The following RBM25 variants were observed in gnomAD, a reference collection of about 807,000 sequenced individuals.
The protein encoded by RBM25 is RNA-binding protein 25.
In RBM25, 19 loss-of-function variants were observed where a neutral mutation model predicts 120.7. That is an observed-to-expected ratio of 0.16 (90% confidence interval 0.11 to 0.23). The LOEUF (loss-of-function observed/expected upper bound fraction) is 0.23. RBM25 is among the 10% of genes least tolerant of loss of function. RBM25 has a pLI of 1.00. For missense variants in RBM25, 605 were observed against 1,041.5 expected, an observed-to-expected ratio of 0.58 and a Z score of 5.77; for synonymous variants, 390 against 326.7, an observed-to-expected ratio of 1.19 and a Z score of -2.09.
rs1477945637 is a variant in RBM25, at chr14:73,058,542, A to G, written c.-179A>G. On this transcript the variant is annotated 5_prime_UTR_variant, in exon 1 of 19. Transcript: ENST00000261973. ...CACGCCGGGCAAGAGGAAGACCTCC[A>G]TCAGCTCGCCGCGCAGCGCGGCTGT... 2.0e-5 allele frequency: 3 copies of G among 152,286 alleles called. No homozygotes were observed. Among genetic ancestry groups the G allele is most frequent in the South Asian group, 2.1e-4 (1 of 4,824 alleles). The allele number at this position is 152,286 out of a possible 1,614,324, so 9.4% of individuals were successfully genotyped here. A position where few individuals can be genotyped will look rare whatever the true frequency, so the allele number is the denominator to read the frequency against.
intron 18 of RBM25, 108 bp downstream of exon 18, chr14:73,114,441 T>A: frequency 1.4e-6 from 1 of 730,792 alleles, no homozygotes; most frequent in Non-Finnish European, 2.1e-6. Context: ...AGGGTAGTCT[T>A]AAATTCCTAG....
At chr14:73,116,363 A>G (rs1213386137) in intron 18 of RBM25, among the ~76,000 whole-genome samples, 8 of 152,208 alleles carry the variant, frequency 5.3e-5, no homozygotes, top group Admixed American at 2.6e-4. Context: ...TGGAACTGCC[A>G]CCAGAGATGT....
At chr14:73,098,627 C>T (rs1021407572) in intron 7 of RBM25, among the ~76,000 whole-genome samples, 4 of 151,938 alleles carry the variant, frequency 2.6e-5, no homozygotes, top group African/African-American at 9.7e-5. Context: ...GGTCATAGAA[C>T]TTTTCTTTTT....
chr14:73,066,260 T>C lies in RBM25; in HGVS notation c.-15-5367T>C, dbSNP rs140042793. On this transcript the variant is annotated intron_variant, in intron 1 of 18. Coordinates refer to ENST00000261973, the MANE Select transcript of RBM25 (RefSeq NM_021239.3). ...TCAACACATTTACAGTCTTGCAATC[T>C]TGTGTTTTTCATTGTTAATATGTAC... 1.6e-3 allele frequency among the ~76,000 whole-genome samples: 243 copies of C among 152,308 alleles called. 2 individuals are homozygous for C. Among genetic ancestry groups the C allele is most frequent in the African/African-American group, 5.4e-3 (223 of 41,560 alleles).
chr14:73,085,698 C>CA (rs1462449022), intron 5 of RBM25, among the ~76,000 whole-genome samples: 2 of 151,646 alleles, frequency 1.3e-5, no homozygotes, highest in African/African-American at 4.8e-5. Flanking sequence ...CCGCCCACCT[C>CA]AGTCTCCCAA....
chr14:73,108,671 C>T (rs1321667414), intron 13 of RBM25, among the ~76,000 whole-genome samples: 2 of 152,098 alleles, frequency 1.3e-5, no homozygotes, highest in African/African-American at 4.8e-5. Flanking sequence ...TGACATGATA[C>T]AATCATAGTG....
At chr14:73,070,448 A>G (rs1895257716) in intron 1 of RBM25, among the ~76,000 whole-genome samples, 1 of 152,194 alleles carries the variant, frequency 6.6e-6, no homozygotes, top group Admixed American at 6.5e-5. Context: ...AGTTTAAAAA[A>G]AAAAACTATG....
At chr14:73,088,389 G>A (rs2140441174) in intron 6 of RBM25, 1 of 646,648 alleles carries the variant, frequency 1.5e-6, no homozygotes, top group Middle Eastern at 2.5e-4. Context: ...AAAGTAGTAA[G>A]GGAGGCTGGA....
At chr14:73,100,931 G>A (rs1006824784) in intron 9 of RBM25, 2 of 152,182 alleles carry the variant, frequency 1.3e-5, no homozygotes, top group Admixed American at 6.5e-5. Flanking sequence ...TCAGGACCGA[G>A]TAAGCTTAAA....
At chr14:73,108,428 C>A (rs1250881684) in intron 13 of RBM25, among the ~76,000 whole-genome samples, 2 of 152,210 alleles carry the variant, frequency 1.3e-5, no homozygotes, top group African/African-American at 4.8e-5. Context: ...GGTCTTCTAG[C>A]AATTTGACCT....
chr14:73,105,428 C>T (rs1194474290), intron 10 of RBM25, among the ~76,000 whole-genome samples: 2 of 152,210 alleles, frequency 1.3e-5, no homozygotes, highest in African/African-American at 4.8e-5. Context: ...CATGTGCCAG[C>T]ACTTACTCCT....
intron 1 of RBM25, among the ~76,000 whole-genome samples, chr14:73,068,887 A>G (rs1228452798): frequency 6.6e-6 from 1 of 151,774 alleles, no homozygotes; most frequent in Non-Finnish European, 1.5e-5. Flanking sequence ...TTACTGCATT[A>G]TAAAGGTGGA....
chr14:73,102,966 A>G, intron 9 of RBM25: 1 of 784,762 alleles, frequency 1.3e-6, no homozygotes, highest in Non-Finnish European at 1.9e-6. Context: ...ATCTCCCAGC[A>G]TCCAAGATTG....
chr14:73,118,900 C>G (rs574563690), intron 18 of RBM25, among the ~76,000 whole-genome samples: 1 of 152,174 alleles, frequency 6.6e-6, no homozygotes, highest in South Asian at 2.1e-4. Context: ...TCCCGAGTAG[C>G]TGGGATTACA....
In RBM25 at chr14:73,123,456, A is replaced by T. The variant is rs1327906728; in HGVS notation, c.*3651A>T. The T allele has an allele frequency of 6.6e-6, 1 of 152,178 alleles. No individual in the cohort carries two copies. The highest frequency in any genetic ancestry group is 1.5e-5 in the Non-Finnish European group (1 of 68,030). 9.4% of individuals were successfully genotyped at this position (152,178 alleles called of 1,614,324 possible). ...CTGGGTTGTATTTCAGTCTTCTGTT[A>T]AGTATGAAATTGAGAAATAGTTTTG... On this transcript the variant is annotated 3_prime_UTR_variant, in exon 19 of 19. Transcript: ENST00000261973.
rs11390922 is a variant in RBM25 at position 73,097,196 on chromosome 14, CTTTTTTTTTTT to C, written c.729+108_729+118del. 5.7e-5 allele frequency: 8 copies of C among 140,076 alleles called. 1 individual carries two copies. The highest frequency in any genetic ancestry group is 8.3e-5 in the Non-Finnish European group (8 of 95,882). 8.7% of individuals were successfully genotyped at this position (140,076 alleles called of 1,614,324 possible). On this transcript the variant is annotated intron_variant, in intron 7 of 18. Transcript: ENST00000261973. The stretch of plus-strand genomic sequence containing the variant: ...ACATGTCAGTTTTCTTTTTTCTTTT[CTTTTTTTTTTT>C]TTTTTTTTTTTGAGATGGAGGCTCA...
chr14:73,085,608 C>T (rs905791549), intron 5 of RBM25, among the ~76,000 whole-genome samples: 10 of 152,000 alleles, frequency 6.6e-5, no homozygotes, highest in Non-Finnish European at 1.3e-4. Context: ...CCATGCCTGG[C>T]TAATTTTTTG....
In RBM25 at chr14:73,107,563, C is replaced by T. The variant is rs1430789812; in HGVS notation, c.1468-263C>T. The T allele has an allele frequency of 2.4e-5, 8 of 338,080 alleles. No homozygotes were observed. In the South Asian group the frequency reaches 2.5e-4, roughly 11 times the overall value. The allele number at this position is 338,080 out of a possible 1,614,324, so 20.9% of individuals were successfully genotyped here. ...ATAAAAACACCGTTTCCCAGGCTAG[C>T]CCAACAAGTTTATTTAAACCAAATA... On this transcript the variant is annotated intron_variant, in intron 12 of 18. Transcript: ENST00000261973.
At chr14:73,073,668 A>G (rs1192377898) in intron 2 of RBM25, among the ~76,000 whole-genome samples, 1 of 152,228 alleles carries the variant, frequency 6.6e-6, no homozygotes, top group Non-Finnish European at 1.5e-5. Context: ...AGCCTGGGCA[A>G]CAAGAATGCA....
Sources: allele counts gnomAD v4.1 joint callset (sites outside exome capture counted in the v4.1 genomes callset), GRCh38; gene constraint gnomAD v4.1.1; transcripts MANE v1.5; gene names NCBI Gene and HGNC (gene_info 2026-07-23, HGNC 2026-07-21).